The following NBEA variants were observed in gnomAD, a reference collection of about 807,000 sequenced individuals.
NBEA encodes neurobeachin.
NBEA carries 44 observed loss-of-function variants against 343.4 expected under a neutral mutation model. The observed-to-expected ratio is 0.13, with a 90% CI of 0.10 to 0.16. The LOEUF is 0.16. Ranked by LOEUF, NBEA falls within the 10% of genes least tolerant of loss-of-function variation. The pLI is 1.00. For synonymous variants in NBEA, 1,175 were observed against 1,238.7 expected (o/e 0.95, Z 1.08); for missense variants, 2,555 against 3,631.3 (o/e 0.70, Z 7.62).
At chr13:35,189,873 T>C (rs2072043160) in intron 30 of NBEA, among the ~76,000 whole-genome samples, 1 of 152,122 alleles carries the variant, frequency 6.6e-6, no homozygotes, top group Non-Finnish European at 1.5e-5. Flanking sequence ...AGGCTGTTAA[T>C]TCAAGAAAAA....
At chr13:35,306,256 T>C (rs974688240) in intron 35 of NBEA, among the ~76,000 whole-genome samples, 7 of 152,136 alleles carry the variant, frequency 4.6e-5, no homozygotes, top group African/African-American at 1.7e-4. Context: ...ATATTATGTA[T>C]TATATTGTTC....
At chr13:35,235,671 T>A (rs1437083576) in intron 34 of NBEA, among the ~76,000 whole-genome samples, 4 of 152,226 alleles carry the variant, frequency 2.6e-5, no homozygotes, top group Non-Finnish European at 5.9e-5. Flanking sequence ...CAGGAACCCC[T>A]GTGTGTAGTT....
chr13:35,607,806 C>G (rs191144839), intron 48 of NBEA, among the ~76,000 whole-genome samples: 9 of 152,166 alleles, frequency 5.9e-5, no homozygotes, highest in Admixed American at 5.9e-4. Flanking sequence ...GCAACCATCA[C>G]CACAATCAAT....
At chr13:35,656,161 A>G (rs949170786) in intron 55 of NBEA, among the ~76,000 whole-genome samples, 1 of 152,210 alleles carries the variant, frequency 6.6e-6, no homozygotes, top group African/African-American at 2.4e-5. Flanking sequence ...TCTACCATAT[A>G]TACTGTAGTA....
intron 34 of NBEA, among the ~76,000 whole-genome samples, chr13:35,287,092 A>G (rs1022688254): frequency 2.6e-5 from 4 of 152,008 alleles, no homozygotes; most frequent in African/African-American, 9.7e-5. Context: ...ATATCTCCCA[A>G]ATATACAAGC....
At chr13:34,956,611 G>A (rs2059500096) in intron 1 of NBEA, among the ~76,000 whole-genome samples, 1 of 151,902 alleles carries the variant, frequency 6.6e-6, no homozygotes, top group Admixed American at 6.6e-5. Flanking sequence ...ATCAAATTGG[G>A]GTAGTTAGCA....
intron 39 of NBEA, among the ~76,000 whole-genome samples, chr13:35,450,204 G>T (rs1195152282): frequency 6.6e-6 from 1 of 152,164 alleles, no homozygotes; most frequent in African/African-American, 2.4e-5. Context: ...GCTGGGCACA[G>T]TGGCTCATGC....
At chr13:35,228,891 C>T (rs1257773387) in intron 33 of NBEA, among the ~76,000 whole-genome samples, 2 of 152,092 alleles carry the variant, frequency 1.3e-5, no homozygotes, top group Non-Finnish European at 2.9e-5. Context: ...AGCCCAAGAA[C>T]TTAACCAAAT....
chr13:35,200,260 G>A (rs2072924988), intron 31 of NBEA, among the ~76,000 whole-genome samples: 1 of 151,762 alleles, frequency 6.6e-6, no homozygotes, highest in Admixed American at 6.6e-5. Context: ...CATGTACTGT[G>A]TAACTTTTAC....
intron 40 of NBEA, among the ~76,000 whole-genome samples, chr13:35,454,202 T>C (rs2046445603): frequency 6.6e-6 from 1 of 152,210 alleles, no homozygotes; most frequent in African/African-American, 2.4e-5. Context: ...ATGGGTGTTT[T>C]ATGAAGGGCC....
intron 21 of NBEA, among the ~76,000 whole-genome samples, chr13:35,158,278 A>C (rs2069316577): frequency 6.6e-6 from 1 of 152,162 alleles, no homozygotes; most frequent in South Asian, 2.1e-4. Flanking sequence ...AATATACATT[A>C]ATAGAACCCA....
rs115864337 is a variant in NBEA at position 35,586,678 on chromosome 13, T to C, written c.7176+2640T>C. Reference sequence around the variant, plus strand: ...ACTTTTAAAGTATAGATGTTCTCTTTTTTATTTTCTGTTAATTTTGAGAAT... The same window carrying C: ...ACTTTTAAAGTATAGATGTTCTCTTCTTTATTTTCTGTTAATTTTGAGAAT... On this transcript the variant is annotated intron_variant, in intron 46 of 58. Coordinates refer to ENST00000379939, the MANE Select transcript of NBEA (RefSeq NM_001385012.1). 3.7e-3 allele frequency among the ~76,000 whole-genome samples: 564 copies of C among 152,334 alleles called. 2 individuals carry two copies. Among genetic ancestry groups the C allele is most frequent in the African/African-American group, 0.013 (537 of 41,578 alleles).
At chr13:35,270,963 C>T (rs936952676) in intron 34 of NBEA, among the ~76,000 whole-genome samples, 3 of 152,236 alleles carry the variant, frequency 2.0e-5, no homozygotes, top group East Asian at 3.8e-4. Flanking sequence ...CAGACTTAAA[C>T]GTCCCTGCCT....
At chr13:35,550,693 G>C in intron 42 of NBEA, 99 bp downstream of exon 42, 1 of 760,778 alleles carries the variant, frequency 1.3e-6, no homozygotes, top group Middle Eastern at 2.5e-4. Flanking sequence ...CTGTATTTCT[G>C]ATGTGCTCTA....
At chr13:35,468,643 C>T (rs1030892074) in intron 40 of NBEA, among the ~76,000 whole-genome samples, 1 of 151,900 alleles carries the variant, frequency 6.6e-6, no homozygotes, top group East Asian at 1.9e-4. Flanking sequence ...CCCTAAGTCA[C>T]CCCATGGTAC....
intron 2 of NBEA, among the ~76,000 whole-genome samples, chr13:35,042,475 T>C (rs985310951): frequency 1.2e-4 from 18 of 149,566 alleles, no homozygotes; most frequent in Non-Finnish European, 1.8e-4. Flanking sequence ...AAGCTCTTAA[T>C]TTTTTTTTTG....
At chr13:34,991,235 C>T (rs2060739917) in intron 1 of NBEA, among the ~76,000 whole-genome samples, 1 of 152,182 alleles carries the variant, frequency 6.6e-6, no homozygotes. Context: ...ATAGCAATAC[C>T]CCACTCTCCA....
Position 35,182,663 on chromosome 13 carries a change from T to C in NBEA, c.4831+135T>C, listed in dbSNP as rs185942817. 2,533 of 825,572 alleles carry C rather than the reference T, an allele frequency of 3.1e-3. 8 individuals are homozygous for C. The highest frequency in any genetic ancestry group is 3.4e-3 in the Non-Finnish European group (1,872 of 550,624). The allele number at this position is 825,572 out of a possible 1,614,324, so 51.1% of individuals were successfully genotyped here. On this transcript the variant is annotated intron_variant, in intron 29 of 58. Coordinates refer to ENST00000379939, the MANE Select transcript of NBEA (RefSeq NM_001385012.1). ...TGAATGGTTGGTATAGAAATGCTAA[T>C]TTAGTATTCCTTAATTCAACAAAAA...
At chr13:35,105,252 A>G (rs1173622476) in intron 11 of NBEA, among the ~76,000 whole-genome samples, 2 of 151,978 alleles carry the variant, frequency 1.3e-5, no homozygotes, top group Admixed American at 1.3e-4. Context: ...AATGTCTTCA[A>G]TTAGTCAAAC....
Sources: gnomAD v4.1 joint callset for allele counts (sites outside exome capture counted in the v4.1 genomes callset) on GRCh38, gnomAD v4.1.1 for gene constraint, MANE v1.5 for transcripts, NCBI Gene and HGNC (gene_info 2026-07-23, HGNC 2026-07-21) for gene names.